ZNF606: variants seen among roughly 807,000 people sequenced by gnomAD.
ZNF606 encodes zinc finger protein 606, also known as zinc finger protein 328.
In ZNF606, 37 loss-of-function variants were observed where a neutral mutation model predicts 74.9. The ratio of observed to expected loss-of-function variants is 0.49; its 90% CI spans 0.38 to 0.65. The LOEUF is 0.65. Ranked by LOEUF, ZNF606 falls within the 30% of genes least tolerant of loss-of-function variation. The probability of loss-of-function intolerance (pLI) is 0.00; values close to 1 mark genes in which losing one functional copy is unlikely to be tolerated. For missense variants in ZNF606, 852 were observed against 952.9 expected, an observed-to-expected ratio of 0.89 and a Z score of 1.39; for synonymous variants, 328 against 312.4, an observed-to-expected ratio of 1.05 and a Z score of -0.53.
intron 6 of ZNF606, among the ~76,000 whole-genome samples, chr19:57,987,807 G>A (rs975316081): frequency 1.3e-5 from 2 of 152,288 alleles, no homozygotes; most frequent in East Asian, 1.9e-4. Context: ...CAGCCTGGGC[G>A]ACAGAGCGAG....
upstream of ZNF606, chr19:58,003,147 G>C (rs1244386528): frequency 9.1e-6 from 4 of 438,692 alleles, no homozygotes; most frequent in Admixed American, 4.8e-5. Flanking sequence ...CAGCGCTCTC[G>C]AGGGATCCTT....
At chr19:57,993,106 G>C (rs1238478957) in intron 4 of ZNF606, among the ~76,000 whole-genome samples, 3 of 152,102 alleles carry the variant, frequency 2.0e-5, no homozygotes, top group Non-Finnish European at 4.4e-5. Context: ...TTTGCAGATG[G>C]AGGACAGGGC....
At chr19:57,995,462 T>C (rs1696577083) in intron 4 of ZNF606, among the ~76,000 whole-genome samples, 1 of 151,952 alleles carries the variant, frequency 6.6e-6, no homozygotes, top group South Asian at 2.1e-4. Context: ...TCTATCAACA[T>C]GGATGGACCT....
intron 4 of ZNF606, among the ~76,000 whole-genome samples, chr19:57,990,151 A>G (rs988706239): frequency 1.5e-4 from 22 of 151,044 alleles, no homozygotes; most frequent in Non-Finnish European, 2.7e-4. Context: ...TCACAAGGTC[A>G]GGAGATTGAG....
rs2073051716 is a variant in ZNF606 at position 57,979,699 on chromosome 19, G to A, written c.981C>T (p.Asn327=). The change falls in exon 7 of 7, where the codon AAC becomes AAT. Residue 327 remains asparagine (N), a synonymous_variant. Transcript: ENST00000551380. ...GGTGTTCATTAAATGATGGGCTCTGGTTAAAGATTTGATGGCATTCCTTAT... is the reference window on the plus strand; with the variant it reads ...GGTGTTCATTAAATGATGGGCTCTGATTAAAGATTTGATGGCATTCCTTAT... ...YEYKECHQIF[N]QSPSFNEHPR... 1 of 1,613,560 alleles carries A rather than the reference G, an allele frequency of 6.2e-7. No homozygotes were observed. The highest frequency in any genetic ancestry group is 1.1e-5 in the South Asian group (1 of 90,986).
rs768114894 is a variant in ZNF606, at chr19:57,980,025, A to G, written c.655T>C (p.Phe219Leu). The G allele has an allele frequency of 6.2e-7, 1 of 1,613,538 alleles. No homozygotes were observed. Among genetic ancestry groups the G allele is most frequent in the Admixed American group, 1.7e-5 (1 of 60,020 alleles). The change falls in exon 7 of 7, where the codon TTT becomes CTT. Residue 219 changes from phenylalanine to leucine, a missense_variant. Physicochemically the swap from Phe to Leu is conservative, Grantham distance 22. This residue lies in a region of ZNF606 where 545 missense variants were observed against 542.5 expected (regional missense o/e 1.00). Coordinates refer to ENST00000551380, the MANE Select transcript of ZNF606 (RefSeq NM_001348022.3). ...SSEFCGLGAE[F>L]SQNLNFVPSQ... ...GGAACAAAGTTTAAGTTCTGGCTAAACTCTGCCCCAAGTCCACAGAATTCA... is the reference window on the plus strand; with the variant it reads ...GGAACAAAGTTTAAGTTCTGGCTAAGCTCTGCCCCAAGTCCACAGAATTCA...
Position 57,978,054 on chromosome 19 carries a change from C to A in ZNF606, c.*247G>T. The A allele has an allele frequency of 3.0e-6, 1 of 338,712 alleles. No individual in the cohort carries two copies. The highest frequency in any genetic ancestry group is 5.3e-6 in the Non-Finnish European group (1 of 187,624). 21.0% of individuals were successfully genotyped at this position (338,712 alleles called of 1,614,324 possible). On this transcript the variant is annotated 3_prime_UTR_variant, in exon 7 of 7. Transcript: ENST00000551380. This position sits in a 1 kb window ranked among gnomAD's most constrained non-coding sequence, Gnocchi z 4.4. ...TCCTCAAGTATGAATTACTGGTAGA[C>A]CATAAGGGGAGTTTAGAGTTTCCTT...
chr19:57,992,962 A>G (rs2073282534), intron 4 of ZNF606, among the ~76,000 whole-genome samples: 1 of 152,182 alleles, frequency 6.6e-6, no homozygotes. Flanking sequence ...AGATATAATT[A>G]AGAATCTTTA....
Position 57,979,673 on chromosome 19 carries a change from G to A in ZNF606, c.1007C>T (p.Pro336Leu), listed in dbSNP as rs1488164934. ...FNQSPSFNEH[P>L]RLHVGENQYN... ...CTGGTTTTCTCCAACATGAAGCCTT[G>A]GGTGTTCATTAAATGATGGGCTCTG... Residue 336 changes from proline to leucine, a missense_variant, in exon 7 of 7, where the codon CCA becomes CTA. Around this residue, in one of 3 missense-constraint regions of ZNF606, gnomAD observed 545 missense variants for 542.5 expected, o/e 1.00. Transcript: ENST00000551380. The A allele has an allele frequency of 1.9e-6, 3 of 1,613,502 alleles. No individual in the cohort carries two copies. Among genetic ancestry groups the A allele is most frequent in the Non-Finnish European group, 2.5e-6 (3 of 1,179,980 alleles).
intron 6 of ZNF606, among the ~76,000 whole-genome samples, chr19:57,985,883 A>G (rs2073156275): frequency 1.3e-5 from 2 of 151,980 alleles, no homozygotes; most frequent in Admixed American, 1.3e-4. Context: ...GCAGTGAGCC[A>G]AGATCGCGCC....
At chr19:57,988,443 A>G in intron 5 of ZNF606, 141 bp from the exon 6 acceptor site, 1 of 1,385,076 alleles carries the variant, frequency 7.2e-7, no homozygotes, top group Middle Eastern at 2.0e-4. Context: ...CTCTTTAAGC[A>G]TTAGGAGTTT....
chr19:57,988,794 G>C (rs1239604623), intron 4 of ZNF606, 73 bp from the exon 5 acceptor site: 4 of 1,604,416 alleles, frequency 2.5e-6, no homozygotes, highest in Non-Finnish European at 3.4e-6. Flanking sequence ...GAGTGAGGCT[G>C]ACAGCCCTGG....
chr19:58,001,507 A>G, intron 1 of ZNF606, 137 bp from the exon 2 acceptor site: 1 of 657,468 alleles, frequency 1.5e-6, no homozygotes, highest in Non-Finnish European at 2.7e-6. Flanking sequence ...TTTACATGTC[A>G]AAAAAGTAAC....
intron 4 of ZNF606, among the ~76,000 whole-genome samples, chr19:57,995,567 C>T (rs927749104): frequency 2.6e-5 from 4 of 152,140 alleles, no homozygotes; most frequent in Admixed American, 1.3e-4. Context: ...GTGGCTCACA[C>T]CTATAATCCC....
intron 4 of ZNF606, among the ~76,000 whole-genome samples, chr19:57,994,663 C>T (rs1483460737): frequency 6.6e-6 from 1 of 152,002 alleles, no homozygotes; most frequent in Non-Finnish European, 1.5e-5. Context: ...ATACAGATGG[C>T]CAATAAAGAC....
At chr19:57,993,099 G>A (rs868633904) in intron 4 of ZNF606, among the ~76,000 whole-genome samples, 44 of 152,260 alleles carry the variant, frequency 2.9e-4, no homozygotes, top group Admixed American at 4.6e-4. Context: ...GATGTACTTT[G>A]CAGATGGAGG....
chr19:57,997,617 T>C (rs1363436345), intron 4 of ZNF606: 1 of 152,240 alleles, frequency 6.6e-6, no homozygotes, highest in Admixed American at 6.5e-5. Context: ...GAGGGTGTTG[T>C]TATTTTTAAT....
chr19:58,002,636 G>A lies in ZNF606; in HGVS notation c.-292C>T, dbSNP rs375586898. The A allele has an allele frequency of 3.5e-5, 16 of 453,272 alleles. No individual in the cohort carries two copies. Among genetic ancestry groups the A allele is most frequent in the Middle Eastern group, 3.3e-4 (1 of 3,040 alleles). The allele number at this position is 453,272 out of a possible 1,614,324, so 28.1% of individuals were successfully genotyped here. ...GAGGCCGGAGGCAGGCTGCTGGCTG[G>A]AGAACCGACGGCAACGACGGCGCAA... On this transcript the variant is annotated 5_prime_UTR_variant, in exon 1 of 7. Coordinates refer to ENST00000551380, the MANE Select transcript of ZNF606 (RefSeq NM_001348022.3).
intron 3 of ZNF606, chr19:58,000,463 G>T: frequency 1.6e-6 from 1 of 634,288 alleles, no homozygotes. Context: ...CTGACCTCGT[G>T]ATCCACTCGC....
Sources: allele counts gnomAD v4.1 joint callset (sites outside exome capture counted in the v4.1 genomes callset), GRCh38; gene constraint gnomAD v4.1.1; regional missense constraint gnomAD v4.1.1; non-coding constraint Gnocchi (gnomAD v3.1); transcripts MANE v1.5; gene names NCBI Gene and HGNC (gene_info 2026-07-23, HGNC 2026-07-21).